The following TMEM135 variants were observed in gnomAD, a reference collection of about 807,000 sequenced individuals.
TMEM135 encodes the protein peroxisomal membrane protein 52.
A neutral mutation model predicts 60.3 loss-of-function variants in TMEM135; 30 were observed. That is an observed-to-expected ratio of 0.50 (90% CI 0.37 to 0.68). TMEM135 has a LOEUF of 0.68. TMEM135 is among the 30% of genes least tolerant of loss of function. The pLI, the probability that TMEM135 is intolerant of heterozygous loss-of-function variation, is 0.00. For synonymous variants in TMEM135, 190 were observed against 186.7 expected (o/e 1.02, Z -0.14); for missense variants, 468 against 548.8 (o/e 0.85, Z 1.47).
intron 3 of TMEM135, among the ~76,000 whole-genome samples, chr11:87,088,261 G>A (rs1014596550): frequency 5.9e-5 from 9 of 152,172 alleles, no homozygotes; most frequent in African/African-American, 1.9e-4. Context: ...GGCTCTGCAA[G>A]TCAAGCTTAA....
intron 5 of TMEM135, among the ~76,000 whole-genome samples, chr11:87,177,376 G>A (rs2135297998): frequency 1.3e-5 from 2 of 152,068 alleles, no homozygotes; most frequent in Middle Eastern, 6.8e-3. Context: ...CATTTAATAA[G>A]TATTTGGTGT....
At chr11:87,101,532 C>G (rs1404021837) in intron 4 of TMEM135, among the ~76,000 whole-genome samples, 2 of 152,118 alleles carry the variant, frequency 1.3e-5, no homozygotes, top group Non-Finnish European at 2.9e-5. Flanking sequence ...ATTTATGCCA[C>G]CAAACATTTT....
At position 87,289,437 on chromosome 11, in the gene TMEM135, C is replaced by CTTTTTTTTTTTTTTT. The variant is rs376999371; in HGVS notation, c.510-6330_510-6316dup. ...TATCCTTTAACAAATATCTCCATAT[C>CTTTTTTTTTTTTTTT]TTTTTTTTTTTTTTTTTTTTTTTTT... is the stretch of plus-strand genomic sequence containing the variant. On this transcript the variant is annotated intron_variant, in intron 6 of 14. Coordinates refer to ENST00000305494, the MANE Select transcript of TMEM135 (RefSeq NM_022918.4). Among the ~76,000 whole-genome samples, 8 of 87,604 alleles carry CTTTTTTTTTTTTTTT rather than the reference C, an allele frequency of 9.1e-5. 1 individual carries two copies. Among genetic ancestry groups the CTTTTTTTTTTTTTTT allele is most frequent in the Non-Finnish European group, 1.4e-4 (7 of 50,950 alleles). 57.5% of individuals were successfully genotyped at this position (87,604 alleles called of 152,430 possible).
intron 4 of TMEM135, among the ~76,000 whole-genome samples, chr11:87,108,196 C>T (rs1322568928): frequency 6.6e-6 from 1 of 152,124 alleles, no homozygotes; most frequent in Admixed American, 6.5e-5. Flanking sequence ...CAAAAATTTT[C>T]TCCCATTCTG....
intron 9 of TMEM135, among the ~76,000 whole-genome samples, chr11:87,308,372 A>G (rs563361269): frequency 1.3e-5 from 2 of 152,328 alleles, no homozygotes; most frequent in South Asian, 2.1e-4. Flanking sequence ...TCATTCATTT[A>G]AATACTAGGC....
chr11:87,325,810 A>C lies in TMEM135; in HGVS notation c.*4477A>C, dbSNP rs1014867333. ...TATGTGAAGCCTTTAAATCCAGAAC[A>C]ATTAATTTCTTCTCTTCTTAAAACC... On this transcript the variant is annotated 3_prime_UTR_variant, in exon 15 of 15. Coordinates refer to ENST00000305494, the MANE Select transcript of TMEM135 (RefSeq NM_022918.4). The C allele has an allele frequency of 1.5e-5, 7 of 453,874 alleles. No homozygotes were observed. Among genetic ancestry groups the C allele is most frequent in the Non-Finnish European group, 2.6e-5 (6 of 226,786 alleles). 28.1% of individuals were successfully genotyped at this position (453,874 alleles called of 1,614,324 possible). A position where few individuals can be genotyped will look rare whatever the true frequency, so the allele number is the denominator to read the frequency against.
chr11:87,087,351 G>T (rs1857118714), intron 3 of TMEM135, among the ~76,000 whole-genome samples: 1 of 151,368 alleles, frequency 6.6e-6, no homozygotes, highest in Non-Finnish European at 1.5e-5. Context: ...CACTTGGCAG[G>T]AGTTGCAGGA....
chr11:87,232,238 A>G (rs1470009644), intron 5 of TMEM135, among the ~76,000 whole-genome samples: 2 of 152,184 alleles, frequency 1.3e-5, no homozygotes, highest in Non-Finnish European at 2.9e-5. Context: ...GGGATGAGCC[A>G]TCGCGCCTGG....
At position 87,327,542 on chromosome 11, in the gene TMEM135, G is replaced by C. The variant is rs1280289102; in HGVS notation, c.*6209G>C. On this transcript the variant is annotated 3_prime_UTR_variant, in exon 15 of 15. Coordinates refer to ENST00000305494, the MANE Select transcript of TMEM135 (RefSeq NM_022918.4). Reference sequence around the variant, plus strand: ...TAGAGAGATACATAGAGAGAGATATGAGAGGGATAGAGAGAGACACAGAGA... The same window carrying C: ...TAGAGAGATACATAGAGAGAGATATCAGAGGGATAGAGAGAGACACAGAGA... 1 of 452,348 alleles carries C rather than the reference G, an allele frequency of 2.2e-6. No homozygotes were observed. Among genetic ancestry groups the C allele is most frequent in the Non-Finnish European group, 4.4e-6 (1 of 225,974 alleles). The allele number at this position is 452,348 out of a possible 1,614,324, so 28.0% of individuals were successfully genotyped here.
chr11:87,044,720 G>A (rs976524368), intron 1 of TMEM135, among the ~76,000 whole-genome samples: 2 of 152,062 alleles, frequency 1.3e-5, no homozygotes, highest in East Asian at 1.9e-4. Flanking sequence ...GCACAATCTC[G>A]GCTAACTGCA....
chr11:87,206,234 A>G (rs1273962814), intron 5 of TMEM135, among the ~76,000 whole-genome samples: 1 of 152,202 alleles, frequency 6.6e-6, no homozygotes, highest in African/African-American at 2.4e-5. Flanking sequence ...ACTAATATGC[A>G]GTTTGTGAAA....
In TMEM135 at chr11:87,168,483, C is replaced by A. The variant is rs570951318; in HGVS notation, c.462+11077C>A. On this transcript the variant is annotated intron_variant, in intron 5 of 14. Transcript: ENST00000305494. ...CTCTAAAGACTCCTTTAGCTGTGTC[C>A]CAGAGATTCTGGTACGTTGTGTCTT... Among the ~76,000 whole-genome samples, 4 of 152,112 alleles carry A rather than the reference C, an allele frequency of 2.6e-5. No individual in the cohort carries two copies. The East Asian group carries it at 7.7e-4, about 29-fold the overall frequency.
At chr11:87,171,988 G>A (rs1207435897) in intron 5 of TMEM135, among the ~76,000 whole-genome samples, 1 of 152,116 alleles carries the variant, frequency 6.6e-6, no homozygotes, top group African/African-American at 2.4e-5. Context: ...CCTGTTGTGC[G>A]GCCTGGTTCC....
Position 87,322,624 on chromosome 11 carries a change from TTTTAGG to T in TMEM135, c.*1292_*1297del, listed in dbSNP as rs764789189. On this transcript the variant is annotated 3_prime_UTR_variant, in exon 15 of 15. Transcript: ENST00000305494. ...AAAATACATTTTGTTGCTAAAAAGTTTTTAGGCCAGTGCAAATTATGCAGTAGAACT... is the reference window on the plus strand; with the variant it reads ...AAAATACATTTTGTTGCTAAAAAGTTCCAGTGCAAATTATGCAGTAGAACT... 7.7e-4 allele frequency: 348 copies of T among 453,942 alleles called. 3 individuals carry two copies. The highest frequency in any genetic ancestry group is 1.5e-4 in the Non-Finnish European group (34 of 226,710). 28.1% of individuals were successfully genotyped at this position (453,942 alleles called of 1,614,324 possible).
intron 6 of TMEM135, among the ~76,000 whole-genome samples, chr11:87,267,845 C>A (rs565807355): frequency 6.6e-6 from 1 of 152,058 alleles, no homozygotes; most frequent in Non-Finnish European, 1.5e-5. Context: ...GGTGCCACCA[C>A]GACGCCTGGA....
intron 1 of TMEM135, among the ~76,000 whole-genome samples, chr11:87,047,039 A>G (rs890931590): frequency 1.3e-5 from 2 of 152,178 alleles, no homozygotes; most frequent in Admixed American, 6.5e-5. Context: ...TCCTCTGCCC[A>G]TAACTCTCCA....
intron 1 of TMEM135, among the ~76,000 whole-genome samples, chr11:87,061,622 C>T (rs1453883626): frequency 6.6e-6 from 1 of 152,174 alleles, no homozygotes; most frequent in South Asian, 2.1e-4. Flanking sequence ...CTCACAGTAA[C>T]TACTAATTTA....
intron 6 of TMEM135, among the ~76,000 whole-genome samples, chr11:87,293,893 G>A (rs1207812336): frequency 6.6e-6 from 1 of 152,154 alleles, no homozygotes; most frequent in Non-Finnish European, 1.5e-5. Context: ...GGGATTGCTA[G>A]GTCAAATGGT....
chr11:87,195,517 C>G (rs997454562), intron 5 of TMEM135, among the ~76,000 whole-genome samples: 5 of 151,980 alleles, frequency 3.3e-5, no homozygotes, highest in African/African-American at 1.2e-4. Context: ...ATCTCCACCT[C>G]CCGGGTTCAA....
Sources: gnomAD v4.1 joint callset for allele counts (sites outside exome capture counted in the v4.1 genomes callset) on GRCh38, gnomAD v4.1.1 for gene constraint, MANE v1.5 for transcripts, NCBI Gene and HGNC (gene_info 2026-07-23, HGNC 2026-07-21) for gene names.